Variants in ANAPC10 observed in about 807,000 individuals in gnomAD.
ANAPC10 encodes the protein anaphase promoting complex subunit 10.
Under a neutral mutation model 22.0 loss-of-function variants are expected in ANAPC10, and 12 were observed. The observed-to-expected ratio is 0.55, with a 90% CI of 0.35 to 0.88. The LOEUF (loss-of-function observed/expected upper bound fraction) is 0.88. ANAPC10 is among the 40% of genes least tolerant of loss of function. The pLI is 0.01. For missense variants in ANAPC10, 188 were observed against 220.9 expected (o/e 0.85, Z 0.94); for synonymous variants, 65 against 69.5 (o/e 0.94, Z 0.32).
Position 144,995,540 on chromosome 4 carries a change from G to C in ANAPC10, c.391C>G (p.Pro131Ala), listed in dbSNP as rs199671091. The C allele has an allele frequency of 2.3e-5, 37 of 1,613,606 alleles. No homozygotes were observed. The highest frequency in any genetic ancestry group is 3.1e-5 in the Non-Finnish European group (37 of 1,179,876). Residue 131 changes from proline to alanine, a missense_variant, in exon 5 of 5, where the codon CCA becomes GCA. Transcript: ENST00000507656. The stretch of plus-strand genomic sequence containing the variant: ...ATCTGTATCATGAATGTACGAGTTG[G>C]CTTCTTATGATTGTCAGTTAAGGGA... ...HVPLTDNHKK[P>A]TRTFMIQIAV... is the part of the protein sequence containing the mutation.
At chr4:145,082,768 A>G (rs1389701425) in intron 2 of ANAPC10, among the ~76,000 whole-genome samples, 1 of 152,246 alleles carries the variant, frequency 6.6e-6, no homozygotes, top group Non-Finnish European at 1.5e-5. Context: ...AATAATTCAT[A>G]CTAATTTTAG....
At chr4:145,071,129 AG>A (rs1744426669) in intron 3 of ANAPC10, among the ~76,000 whole-genome samples, 1 of 152,232 alleles carries the variant, frequency 6.6e-6, no homozygotes, top group Non-Finnish European at 1.5e-5. Context: ...ATGGCTGGCC[AG>A]GAACAGTGGC....
chr4:145,006,930 G>T lies in ANAPC10; in HGVS notation c.328-11327C>A, dbSNP rs538859333. Reference sequence around the variant, plus strand: ...TCCTCATAGTTCTGTCCTAAAATTAGTCCCACAATACAGGCTTTAATGTAT... The same window carrying T: ...TCCTCATAGTTCTGTCCTAAAATTATTCCCACAATACAGGCTTTAATGTAT... On this transcript the variant is annotated intron_variant, in intron 4 of 4. Coordinates refer to ENST00000507656, the MANE Select transcript of ANAPC10 (RefSeq NM_001256706.2). Among the ~76,000 whole-genome samples, 4 of 151,966 alleles carry T rather than the reference G, an allele frequency of 2.6e-5. No homozygotes were observed. The East Asian group carries it at 7.7e-4, about 29-fold the overall frequency.
chr4:145,037,946 CAAAAAA>C (rs36071811), intron 4 of ANAPC10, among the ~76,000 whole-genome samples: 3 of 71,646 alleles, frequency 4.2e-5, no homozygotes, highest in African/African-American at 9.1e-5. Flanking sequence ...AACCCTGTCT[CAAAAAA>C]AAAAAAAAAA....
chr4:145,042,222 T>C (rs1055553143), intron 4 of ANAPC10, among the ~76,000 whole-genome samples: 11 of 152,144 alleles, frequency 7.2e-5, no homozygotes, highest in African/African-American at 2.4e-4. Flanking sequence ...ATAAATGATA[T>C]GAAACATAAT....
At chr4:145,005,952 T>C (rs1733277304) in intron 4 of ANAPC10, among the ~76,000 whole-genome samples, 2 of 152,186 alleles carry the variant, frequency 1.3e-5, no homozygotes, top group East Asian at 1.9e-4. Context: ...TGGAGAGTTC[T>C]GTAGATATCT....
intron 4 of ANAPC10, among the ~76,000 whole-genome samples, chr4:145,044,677 C>T (rs1450768695): frequency 6.6e-6 from 1 of 152,072 alleles, no homozygotes; most frequent in Non-Finnish European, 1.5e-5. Context: ...TGCCTGATAG[C>T]TTGGTGGATC....
chr4:145,075,829 G>C (rs956762762), intron 3 of ANAPC10, among the ~76,000 whole-genome samples: 2 of 152,180 alleles, frequency 1.3e-5, no homozygotes, highest in African/African-American at 4.8e-5. Context: ...GGTTTGGCAT[G>C]GAAATGGCTA....
At position 145,097,325 on chromosome 4, in the gene ANAPC10, T is replaced by C. The variant is rs33919722; in HGVS notation, c.-13+795A>G. ...GAATAACTGGCCCATTCTAAAAAGG[T>C]TGACCTCATCTTTCACATCTTTTGT... On this transcript the variant is annotated intron_variant, in intron 1 of 4. Coordinates refer to ENST00000507656, the MANE Select transcript of ANAPC10 (RefSeq NM_001256706.2). The C allele has an allele frequency of 1.9e-3, 870 of 446,580 alleles. 4 individuals carry two copies. Among genetic ancestry groups the C allele is most frequent in the African/African-American group, 0.015 (714 of 48,996 alleles). The allele number at this position is 446,580 out of a possible 1,614,324, so 27.7% of individuals were successfully genotyped here.
chr4:145,052,064 C>T (rs1741183066), intron 4 of ANAPC10, among the ~76,000 whole-genome samples: 2 of 152,078 alleles, frequency 1.3e-5, no homozygotes, highest in African/African-American at 4.8e-5. Flanking sequence ...TAAAGTTGAA[C>T]TCACAGAAGC....
chr4:145,036,672 A>G (rs1738588514), intron 4 of ANAPC10, among the ~76,000 whole-genome samples: 1 of 152,182 alleles, frequency 6.6e-6, no homozygotes, highest in Admixed American at 6.5e-5. Flanking sequence ...ACCTACATAC[A>G]TGTTTTACTG....
chr4:145,072,320 T>C (rs1363780545), intron 3 of ANAPC10, among the ~76,000 whole-genome samples: 2 of 152,224 alleles, frequency 1.3e-5, no homozygotes, highest in African/African-American at 4.8e-5. Flanking sequence ...TTATATATGT[T>C]ACAATATATG....
intron 3 of ANAPC10, among the ~76,000 whole-genome samples, chr4:145,078,271 A>T (rs571348468): frequency 9.9e-5 from 15 of 152,152 alleles, no homozygotes; most frequent in Admixed American, 4.6e-4. Flanking sequence ...TTCCACTCAA[A>T]ACAGCCACAA....
intron 4 of ANAPC10, among the ~76,000 whole-genome samples, chr4:145,009,961 T>TA: frequency 6.6e-6 from 1 of 152,126 alleles, no homozygotes; most frequent in Non-Finnish European, 1.5e-5. Flanking sequence ...ACAAAGAACT[T>TA]AAACAAATTT....
At chr4:145,007,786 C>T (rs1737548022) in intron 4 of ANAPC10, among the ~76,000 whole-genome samples, 1 of 150,142 alleles carries the variant, frequency 6.7e-6, no homozygotes, top group South Asian at 2.1e-4. Context: ...CAAGAGCAAA[C>T]AAATTCAGAA....
chr4:145,083,582 C>A lies in ANAPC10; in HGVS notation c.116-1832G>T, dbSNP rs529760149. 9.2e-5 allele frequency among the ~76,000 whole-genome samples: 14 copies of A among 152,154 alleles called. 1 individual carries two copies. The highest frequency in any genetic ancestry group is 3.4e-4 in the African/African-American group (14 of 41,502). ...AATGGCTAGTAAAAGTTGGTATGTT[C>A]TGAAATTAATATACCAGATTTTGAT... On this transcript the variant is annotated intron_variant, in intron 2 of 4. Transcript: ENST00000507656.
At chr4:145,053,459 G>GT (rs1741431883) in intron 4 of ANAPC10, among the ~76,000 whole-genome samples, 1 of 152,160 alleles carries the variant, frequency 6.6e-6, no homozygotes, top group African/African-American at 2.4e-5. Flanking sequence ...AAGACTAGCT[G>GT]TAGGCCATCC....
At chr4:145,069,189 C>T (rs183046209) in intron 3 of ANAPC10, among the ~76,000 whole-genome samples, 66 of 152,278 alleles carry the variant, frequency 4.3e-4, no homozygotes, top group African/African-American at 1.5e-3. Flanking sequence ...CAACAGGCAG[C>T]ACAGGCCTCT....
intron 4 of ANAPC10, among the ~76,000 whole-genome samples, chr4:145,050,817 C>G (rs1263923518): frequency 6.6e-6 from 1 of 152,200 alleles, no homozygotes; most frequent in Non-Finnish European, 1.5e-5. Flanking sequence ...TAGGACCATA[C>G]TGTGGATTAG....
Sources: gnomAD v4.1 joint callset for allele counts (sites outside exome capture counted in the v4.1 genomes callset) on GRCh38, gnomAD v4.1.1 for gene constraint, MANE v1.5 for transcripts, NCBI Gene and HGNC (gene_info 2026-07-23, HGNC 2026-07-21) for gene names.